PIWIL4: variants seen among roughly 807,000 people sequenced by gnomAD.
The protein encoded by PIWIL4 is piwi-like protein 4.
In PIWIL4, 50 loss-of-function variants were observed where a neutral mutation model predicts 100.9. The observed-to-expected ratio is 0.50, with a 90% CI of 0.39 to 0.63. PIWIL4 has a LOEUF of 0.63. Among genes scored for constraint, PIWIL4 ranks in the 20% least tolerant of loss-of-function variants. The pLI is 0.00. For synonymous variants in PIWIL4, 342 were observed against 367.5 expected, an observed-to-expected ratio of 0.93 and a Z score of 0.79; for missense variants, 887 against 1,043.3, an observed-to-expected ratio of 0.85 and a Z score of 2.06.
intron 5 of PIWIL4, among the ~76,000 whole-genome samples, chr11:94,583,780 A>G (rs1204382016): frequency 1.3e-5 from 2 of 152,206 alleles, no homozygotes. Flanking sequence ...AATATCCAGT[A>G]TTGTCCTAAG....
chr11:94,590,429 T>C (rs1197524738), intron 8 of PIWIL4, among the ~76,000 whole-genome samples: 1 of 152,176 alleles, frequency 6.6e-6, no homozygotes, highest in Admixed American at 6.5e-5. Context: ...CCTTCCTTCC[T>C]CACAAAGGAA....
intron 13 of PIWIL4, 83 bp from the exon 14 acceptor site, chr11:94,607,356 A>C: frequency 8.1e-7 from 1 of 1,240,300 alleles, no homozygotes; most frequent in Non-Finnish European, 1.1e-6. Context: ...TTGGAGAATA[A>C]TTCATGAATT....
chr11:94,597,728 G>A, intron 10 of PIWIL4, 76 bp from the exon 11 acceptor site: 1 of 1,044,016 alleles, frequency 9.6e-7, no homozygotes. Flanking sequence ...TGAAGACACA[G>A]AAAATCAGCC....
chr11:94,572,202 G>A lies in PIWIL4; in HGVS notation c.167-2797G>A, dbSNP rs1948164919. On this transcript the variant is annotated intron_variant, in intron 2 of 19. Transcript: ENST00000299001. ...TCTGGATAGTAGCCCTTTGTCAGAT[G>A]GGTAGATTGCAAAAATTTTCTCCCA... 2.6e-5 allele frequency among the ~76,000 whole-genome samples: 4 copies of A among 152,266 alleles called. No homozygotes were observed. The South Asian group carries it at 6.2e-4, about 24-fold the overall frequency.
chr11:94,592,577 T>G (rs2135268446), intron 8 of PIWIL4, among the ~76,000 whole-genome samples: 1 of 152,352 alleles, frequency 6.6e-6, no homozygotes, highest in African/African-American at 2.4e-5. Flanking sequence ...TGGTTTTTAT[T>G]TTAATGACAA....
chr11:94,616,869 G>A (rs1948853868), intron 16 of PIWIL4, among the ~76,000 whole-genome samples: 1 of 152,194 alleles, frequency 6.6e-6, no homozygotes, highest in Non-Finnish European at 1.5e-5. Context: ...AGGAACTCGA[G>A]TTATGACAGA....
intron 2 of PIWIL4, among the ~76,000 whole-genome samples, chr11:94,572,626 C>G (rs1271790779): frequency 6.6e-6 from 1 of 152,170 alleles, no homozygotes; most frequent in African/African-American, 2.4e-5. Flanking sequence ...TCTGAGGACT[C>G]TGTTCTATTC....
intron 4 of PIWIL4, among the ~76,000 whole-genome samples, chr11:94,580,279 A>G (rs1254805253): frequency 1.3e-5 from 2 of 152,160 alleles, no homozygotes; most frequent in East Asian, 3.8e-4. Context: ...CCTAATGAAG[A>G]TACTCTCACC....
chr11:94,579,428 C>G (rs758452135), intron 4 of PIWIL4, among the ~76,000 whole-genome samples: 12 of 151,518 alleles, frequency 7.9e-5, no homozygotes, highest in Admixed American at 2.6e-4. Flanking sequence ...AAAAAAAGAA[C>G]CAATTTCTGT....
chr11:94,616,796 G>T (rs1948852769), intron 16 of PIWIL4, among the ~76,000 whole-genome samples: 1 of 152,202 alleles, frequency 6.6e-6, no homozygotes. Flanking sequence ...CAGAAGGAAG[G>T]AAAATTTGTG....
At position 94,586,938 on chromosome 11, in the gene PIWIL4, T is replaced by A. The variant is rs1948408537; in HGVS notation, c.717-112T>A. ...GAAGAAATCAGACTAAAGAAAAAAA[T>A]TATCTTGTTAAGATCTCGAGAATTA... On this transcript the variant is annotated intron_variant, in intron 6 of 19. Coordinates refer to ENST00000299001, the MANE Select transcript of PIWIL4 (RefSeq NM_152431.3). The A allele has an allele frequency of 6.4e-6, 7 of 1,098,606 alleles. No individual in the cohort carries two copies. The Admixed American group carries it at 1.8e-4, about 29-fold the overall frequency. 68.1% of individuals were successfully genotyped at this position (1,098,606 alleles called of 1,614,324 possible).
intron 11 of PIWIL4, among the ~76,000 whole-genome samples, chr11:94,599,479 C>T (rs1414482026): frequency 6.6e-6 from 1 of 152,214 alleles, no homozygotes; most frequent in Non-Finnish European, 1.5e-5. Context: ...TGGGTCTCCT[C>T]CCAGCCCCAT....
chr11:94,588,700 T>C (rs532066780), intron 7 of PIWIL4, among the ~76,000 whole-genome samples: 1 of 152,332 alleles, frequency 6.6e-6, no homozygotes, highest in South Asian at 2.1e-4. Flanking sequence ...CATTGTGGGT[T>C]GATTGGCCTT....
chr11:94,604,978 ACT>A (rs1443847671), intron 13 of PIWIL4, among the ~76,000 whole-genome samples: 4 of 151,838 alleles, frequency 2.6e-5, no homozygotes, highest in Admixed American at 2.6e-4. Context: ...AGTACAAACA[ACT>A]CTCTCATATA....
In PIWIL4 at chr11:94,621,297, C is replaced by T. The variant is rs147483847; in HGVS notation, c.*305C>T. 341 of 256,852 alleles carry T rather than the reference C, an allele frequency of 1.3e-3. 1 individual carries two copies. Among genetic ancestry groups the T allele is most frequent in the African/African-American group, 6.8e-3 (304 of 44,846 alleles). The allele number at this position is 256,852 out of a possible 1,614,324, so 15.9% of individuals were successfully genotyped here. On this transcript the variant is annotated 3_prime_UTR_variant, in exon 20 of 20. Coordinates refer to ENST00000299001, the MANE Select transcript of PIWIL4 (RefSeq NM_152431.3). Reference sequence around the variant, plus strand: ...GTTAAACACTTAAAATAAGTGTTTGCGTGATATTTTGATGACAGATAAACA... The same window carrying T: ...GTTAAACACTTAAAATAAGTGTTTGTGTGATATTTTGATGACAGATAAACA...
chr11:94,569,797 A>T (rs192462072), intron 2 of PIWIL4, among the ~76,000 whole-genome samples: 1 of 135,070 alleles, frequency 7.4e-6, no homozygotes, highest in Non-Finnish European at 1.6e-5. Flanking sequence ...AATAATAGAC[A>T]TTGGAGACTC....
Position 94,567,580 on chromosome 11 carries a change from T to C in PIWIL4, c.62T>C (p.Val21Ala). The C allele has an allele frequency of 6.2e-7, 1 of 1,606,194 alleles. No individual in the cohort carries two copies. The highest frequency in any genetic ancestry group is 8.5e-7 in the Non-Finnish European group (1 of 1,176,622). Residue 21 changes from valine to alanine, a missense_variant, in exon 1 of 20, where the codon GTG becomes GCG. Val to Ala is a moderately conservative substitution (Grantham distance 64). Transcript: ENST00000299001. The stretch of plus-strand genomic sequence containing the variant: ...GCCCGCAGCCCCAGTGCCACAGAAG[T>C]GGGGCGCATCCAAGCCTCGCCATTG... ...GIARSPSATEVGRIQASPLPR... is the reference protein window; with the variant it reads ...GIARSPSATEAGRIQASPLPR...
intron 6 of PIWIL4, among the ~76,000 whole-genome samples, chr11:94,586,180 A>C (rs929181974): frequency 2.6e-5 from 4 of 151,748 alleles, no homozygotes; most frequent in African/African-American, 7.3e-5. Flanking sequence ...GTTCATTCAG[A>C]GTGTCAGCGT....
intron 3 of PIWIL4, among the ~76,000 whole-genome samples, chr11:94,577,020 G>A (rs368675259): frequency 2.0e-4 from 30 of 152,178 alleles, no homozygotes; most frequent in African/African-American, 7.0e-4. Flanking sequence ...GAGTTCAGAT[G>A]CTTCTCGTCT....
Sources: allele counts gnomAD v4.1 joint callset (sites outside exome capture counted in the v4.1 genomes callset), GRCh38; gene constraint gnomAD v4.1.1; transcripts MANE v1.5; gene names NCBI Gene and HGNC (gene_info 2026-07-23, HGNC 2026-07-21).